Variants in SUN3 observed in about 807,000 individuals in gnomAD.
SUN3 encodes Sad1 and UNC84 domain containing 3, also known as SUN domain-containing protein 3.
A neutral mutation model predicts 48.2 loss-of-function variants in SUN3; 36 were observed. The observed-to-expected ratio is 0.75, with a 90% CI of 0.57 to 0.99. SUN3 has a LOEUF of 0.99. Ranked by LOEUF, SUN3 falls within the 50% of genes least tolerant of loss-of-function variation. The probability of loss-of-function intolerance (pLI) is 0.00; values close to 1 mark genes in which losing one functional copy is unlikely to be tolerated. For synonymous variants in SUN3, 148 were observed against 147.9 expected (o/e 1.00, Z 0.00); for missense variants, 419 against 433.1 (o/e 0.97, Z 0.29).
chr7:48,032,611 A>G (rs562740832), upstream of SUN3, among the ~76,000 whole-genome samples: 116 of 152,350 alleles, frequency 7.6e-4, no homozygotes, highest in Middle Eastern at 3.4e-3. Flanking sequence ...ATATATATCA[A>G]AAAAGGAAAC....
At chr7:48,019,794 A>G (rs1402876644) in intron 2 of SUN3, among the ~76,000 whole-genome samples, 2 of 151,838 alleles carry the variant, frequency 1.3e-5, no homozygotes, top group African/African-American at 2.4e-5. Flanking sequence ...ATAATAAAAA[A>G]TCTCCCAGTA....
In SUN3 at chr7:48,007,095, C is replaced by T. The variant is rs1789543646; in HGVS notation, c.492+70G>A. On this transcript the variant is annotated intron_variant, in intron 5 of 9. Coordinates refer to ENST00000297325, the MANE Select transcript of SUN3 (RefSeq NM_001030019.2). ...GTGACATCGGAAGGACATACTCACT[C>T]CCCGTCACCCTGGACATCCGCGCTA... 4 of 1,475,736 alleles carry T rather than the reference C, an allele frequency of 2.7e-6. No homozygotes were observed. The East Asian group carries it at 9.2e-5, about 34-fold the overall frequency. 91.4% of individuals were successfully genotyped at this position (1,475,736 alleles called of 1,614,324 possible).
intron 1 of SUN3, among the ~76,000 whole-genome samples, chr7:48,027,824 C>T (rs1476264186): frequency 3.9e-5 from 6 of 152,122 alleles, no homozygotes; most frequent in Non-Finnish European, 7.4e-5. Flanking sequence ...TTCCTTTTAA[C>T]TATTATTGGA....
chr7:48,035,029 A>T, the SUN3 span, among the ~76,000 whole-genome samples: 1 of 152,176 alleles, frequency 6.6e-6, no homozygotes, highest in Admixed American at 6.5e-5. The surrounding 1 kb of genome is among the most constrained non-coding windows in gnomAD (Gnocchi z 4.0). Flanking sequence ...TTACTAAGTG[A>T]ATCATTACTC....
At chr7:47,991,395 C>T (rs905044895) in intron 8 of SUN3, among the ~76,000 whole-genome samples, 1 of 152,206 alleles carries the variant, frequency 6.6e-6, no homozygotes, top group Non-Finnish European at 1.5e-5. Flanking sequence ...CTCAACTTTT[C>T]AGAGACACCA....
At chr7:47,990,771 T>TA (rs1364052754) in intron 8 of SUN3, among the ~76,000 whole-genome samples, 3 of 151,080 alleles carry the variant, frequency 2.0e-5, no homozygotes, top group South Asian at 2.1e-4. Flanking sequence ...TATGCAGCCA[T>TA]AAAAAAGAAC....
intron 8 of SUN3, among the ~76,000 whole-genome samples, chr7:47,990,640 T>C (rs1029645497): frequency 5.9e-5 from 9 of 152,022 alleles, no homozygotes; most frequent in African/African-American, 2.2e-4. Context: ...CACCCCTTCA[T>C]ATGTACACAT....
intron 2 of SUN3, chr7:48,018,358 G>A (rs1789871674): frequency 6.6e-6 from 1 of 152,162 alleles, no homozygotes; most frequent in Non-Finnish European, 1.5e-5. Context: ...TATACGACAA[G>A]AAATACAGTC....
At chr7:48,004,772 G>A (rs1399552454) in intron 6 of SUN3, among the ~76,000 whole-genome samples, 2 of 152,220 alleles carry the variant, frequency 1.3e-5, no homozygotes, top group African/African-American at 2.4e-5. Context: ...CCTCAGCCTA[G>A]GCTGCAAGAG....
intron 1 of SUN3, among the ~76,000 whole-genome samples, chr7:48,027,609 TC>T (rs1790170380): frequency 6.6e-6 from 1 of 152,146 alleles, no homozygotes; most frequent in South Asian, 2.1e-4. Flanking sequence ...ATAAGAAAAA[TC>T]ACATTAAGAT....
intron 2 of SUN3, among the ~76,000 whole-genome samples, chr7:48,023,607 T>G (rs1178951384): frequency 1.3e-5 from 2 of 152,080 alleles, no homozygotes; most frequent in Non-Finnish European, 2.9e-5. Context: ...TAAATGAAAA[T>G]GGATTAAACT....
Position 47,996,288 on chromosome 7 carries a change from G to A in SUN3, c.578-142C>T, listed in dbSNP as rs974651391. On this transcript the variant is annotated intron_variant, in intron 6 of 9. Transcript: ENST00000297325. ...AAAATTCATACTCAGGAATTGATAG[G>A]AAAAGTATGACAGTTTTCACTACCA... 5 of 521,890 alleles carry A rather than the reference G, an allele frequency of 9.6e-6. No individual in the cohort carries two copies. In the Admixed American group the frequency reaches 2.0e-4, roughly 21 times the overall value. 32.3% of individuals were successfully genotyped at this position (521,890 alleles called of 1,614,324 possible).
intron 2 of SUN3, among the ~76,000 whole-genome samples, chr7:48,018,151 CTAAGGCAGAG>C (rs1469845779): frequency 1.3e-5 from 2 of 152,264 alleles, no homozygotes; most frequent in African/African-American, 4.8e-5. Context: ...GAGATGAAGA[CTAAGGCAGAG>C]TTTTAGGTGG....
chr7:47,997,029 T>C (rs947816756), intron 6 of SUN3, among the ~76,000 whole-genome samples: 2 of 152,122 alleles, frequency 1.3e-5, no homozygotes, highest in African/African-American at 4.8e-5. Context: ...CTCGATCTCT[T>C]GACCTAGTGA....
Position 47,996,133 on chromosome 7 carries a change from A to C in SUN3, c.591T>G (p.Ile197Met). The change falls in exon 7 of 10, where the codon ATT (isoleucine) becomes ATG (methionine). Residue 197 changes from isoleucine to methionine, a missense_variant. Ile to Met is a conservative substitution (Grantham distance 10). Coordinates refer to ENST00000297325, the MANE Select transcript of SUN3 (RefSeq NM_001030019.2). ...YALKSAGASI[I>M]EAGTSESYKN... is the part of the protein sequence containing the mutation. ...TATAACTTTCTGAGGTCCCAGCTTC[A>C]ATGATGGAGGCTCCTAAAATTATAA... 6.4e-7 allele frequency: 1 copy of C among 1,572,314 alleles called. No homozygotes were observed. Among genetic ancestry groups the C allele is most frequent in the Non-Finnish European group, 8.6e-7 (1 of 1,157,994 alleles).
At chr7:48,012,313 G>C (rs12702406) in intron 3 of SUN3, among the ~76,000 whole-genome samples, 50,929 of 152,150 alleles carry the variant, frequency 0.33, 9,563 homozygotes, top group Middle Eastern at 0.53. Flanking sequence ...AGCCTCCTGA[G>C]ACACGAAGGC....
intron 7 of SUN3, 63 bp from the exon 8 acceptor site, chr7:47,994,545 G>A: frequency 6.7e-7 from 1 of 1,489,080 alleles, no homozygotes; most frequent in East Asian, 2.3e-5. Flanking sequence ...CACAATACTG[G>A]TCAGCTAATC....
At chr7:48,011,794 A>G (rs1267186876) in intron 3 of SUN3, among the ~76,000 whole-genome samples, 3 of 152,242 alleles carry the variant, frequency 2.0e-5, no homozygotes, top group Admixed American at 1.3e-4. Flanking sequence ...AGGACAAAAC[A>G]GTAAGTAAGG....
intron 2 of SUN3, among the ~76,000 whole-genome samples, chr7:48,021,473 C>T (rs535710981): frequency 1.4e-4 from 21 of 150,712 alleles, no homozygotes; most frequent in African/African-American, 5.1e-4. Context: ...AGAGACAACC[C>T]ACAGAATGGG....
Sources: gnomAD v4.1 joint callset for allele counts (sites outside exome capture counted in the v4.1 genomes callset) on GRCh38, gnomAD v4.1.1 for gene constraint, Gnocchi (gnomAD v3.1) non-coding constraint, MANE v1.5 for transcripts, NCBI Gene and HGNC (gene_info 2026-07-23, HGNC 2026-07-21) for gene names.